The following ZNF117 variants were observed in gnomAD, a reference collection of about 807,000 sequenced individuals.
The protein encoded by ZNF117 is zinc finger protein 117.
ZNF117 carries 37 observed loss-of-function variants against 41.2 expected under a neutral mutation model. The ratio of observed to expected loss-of-function variants is 0.90; its 90% CI spans 0.69 to 1.18. ZNF117 has a LOEUF of 1.18. ZNF117 is among the 50% of genes most tolerant of loss of function. ZNF117 has a pLI of 0.00. For synonymous variants in ZNF117, 186 were observed against 186.6 expected (o/e 1.00, Z 0.02); for missense variants, 546 against 557.5 (o/e 0.98, Z 0.21).
At chr7:64,990,321 A>G (rs1024457020) in exon 1 of ZNF117, 1 of 155,544 alleles carries the variant, frequency 6.4e-6, no homozygotes, top group Non-Finnish European at 1.4e-5. Context: ...AGGAATGCTT[A>G]TATGTTGTGG....
chr7:64,985,842 C>T (rs1358953872), upstream of ZNF117, among the ~76,000 whole-genome samples: 1 of 150,244 alleles, frequency 6.7e-6, no homozygotes, highest in Non-Finnish European at 1.5e-5. Context: ...TGCCTGTAAC[C>T]CCAGCTACTC....
chr7:64,980,191 ACT>A (rs1288908641), intron 2 of ZNF117: 3 of 152,220 alleles, frequency 2.0e-5, no homozygotes, highest in East Asian at 1.9e-4. Context: ...TGTTTGAAAG[ACT>A]CTCAGGATCT....
At chr7:64,981,936 G>A (rs540862944) in intron 1 of ZNF117, 48 bp downstream of exon 2, 9 of 467,850 alleles carry the variant, frequency 1.9e-5, no homozygotes, top group Non-Finnish European at 3.1e-5. Flanking sequence ...CTACAAAAAA[G>A]AGAATTAAAA....
upstream of ZNF117, among the ~76,000 whole-genome samples, chr7:64,983,197 C>T (rs754378870): frequency 6.6e-6 from 1 of 152,128 alleles, no homozygotes; most frequent in African/African-American, 2.4e-5. Context: ...TAATGGAGAA[C>T]AGAGATGGTA....
downstream of ZNF117, chr7:64,972,643 A>C (rs9638412): frequency 0.9 from 136,209 of 151,772 alleles, 61,646 homozygotes; most frequent in South Asian, 0.97. Context: ...AGGTATTTAG[A>C]AAAAAGGGGG....
At chr7:64,990,848 G>A (rs201094084) in exon 1 of ZNF117, 3 of 163,476 alleles carry the variant, frequency 1.8e-5, no homozygotes, top group East Asian at 1.8e-4. Context: ...ACTTTGGAGT[G>A]AGTCAGACTG....
exon 3 of ZNF117, chr7:64,976,603 TAAG>T (rs1785893439): frequency 1.1e-5 from 3 of 263,512 alleles, no homozygotes; most frequent in Non-Finnish European, 2.2e-5. Flanking sequence ...TCCTGTGCTA[TAAG>T]GTGTGAAAAA....
At chr7:64,979,356 C>T (rs775896365) in exon 3 of ZNF117, 10 of 1,597,292 alleles carry the variant, frequency 6.3e-6, no homozygotes, top group Admixed American at 3.5e-5. Flanking sequence ...AGTTTTCAAA[C>T]ATTGGTTAAG....
At chr7:64,979,923 A>G (rs1199229189) in intron 2 of ZNF117, 1 of 156,214 alleles carries the variant, frequency 6.4e-6, no homozygotes, top group East Asian at 1.9e-4. Context: ...CCACATCTTT[A>G]TTTCTGGCTT....
exon 3 of ZNF117, chr7:64,978,397 T>C: frequency 1.2e-6 from 2 of 1,613,106 alleles, no homozygotes; most frequent in South Asian, 2.2e-5. Context: ...CCAGATTCTC[T>C]ACATTTGTGG....
exon 3 of ZNF117, chr7:64,978,842 A>G: frequency 6.2e-7 from 1 of 1,613,654 alleles, no homozygotes; most frequent in Non-Finnish European, 8.5e-7. Context: ...TCTCTCCGGT[A>G]TGAATTAACT....
exon 3 of ZNF117, chr7:64,974,530 G>A (rs975649648): frequency 9.9e-5 from 15 of 151,668 alleles, no homozygotes; most frequent in Non-Finnish European, 2.1e-4. Flanking sequence ...TTTGAAAATA[G>A]GTACAAACTC....
At chr7:64,981,545 T>A in intron 1 of ZNF117, 63 bp from the exon 3 acceptor site, 1 of 1,359,030 alleles carries the variant, frequency 7.4e-7, no homozygotes, top group South Asian at 1.2e-5. Flanking sequence ...AACTTGGTAA[T>A]GTGCTCAGTA....
Position 64,979,539 on chromosome 7 carries a change from G to T in ZNF117, c.35-3C>A. 1 of 1,460,066 alleles carries T rather than the reference G, an allele frequency of 6.8e-7. No homozygotes were observed. The highest frequency in any genetic ancestry group is 1.6e-5 in the South Asian group (1 of 61,882). The allele number at this position is 1,460,066 out of a possible 1,614,324, so 90.4% of individuals were successfully genotyped here. On this transcript the variant is annotated splice_polypyrimidine_tract_variant and splice_region_variant and intron_variant, in intron 2 of 2. Coordinates refer to ENST00000620222, the Ensembl canonical transcript of ZNF117. ...TTGGGCAAAATAATAAAACATAACT[G>T]AAAGAAATAAAAGTAACAAACTACT...
rs766440987 is a variant in ZNF117 at position 64,979,173 on chromosome 7, CTA to C, written c.396_397del (p.Arg133SerfsTer7). ...TGCTTCACATTTGTAGAAATTCACT[CTA>C]GTTTGGATTCTTTTATGTTGAGTTA... On this transcript the variant is annotated frameshift_variant, in exon 3 of 3. Transcript: ENST00000620222. LOFTEE classifies it high-confidence loss of function. 7.5e-5 allele frequency: 121 copies of C among 1,605,946 alleles called. No individual in the cohort carries two copies. The African/African-American group carries it at 1.5e-3, about 20-fold the overall frequency.
At chr7:64,972,575 A>T (rs562699142), downstream of ZNF117, 1 of 152,226 alleles carries the variant, frequency 6.6e-6, no homozygotes, top group East Asian at 1.9e-4. Flanking sequence ...TTACACAGGG[A>T]TTCTAAGAAA....
chr7:64,973,364 T>C (rs1314062572), downstream of ZNF117: 1 of 152,034 alleles, frequency 6.6e-6, no homozygotes, highest in Non-Finnish European at 1.5e-5. Context: ...ATTTCTAAGA[T>C]GTATTTTCTA....
chr7:64,985,884 G>A (rs989602635), upstream of ZNF117, among the ~76,000 whole-genome samples: 1 of 149,282 alleles, frequency 6.7e-6, no homozygotes, highest in African/African-American at 2.5e-5. Context: ...CCCAGGAGGT[G>A]GAGGTTGCAG....
intron 2 of ZNF117, chr7:64,980,496 A>G (rs1786001894): frequency 6.6e-6 from 1 of 152,008 alleles, no homozygotes; most frequent in African/African-American, 2.4e-5. Flanking sequence ...ATATCAAAAA[A>G]CAGATATTGT....
Sources: allele counts gnomAD v4.1 joint callset (sites outside exome capture counted in the v4.1 genomes callset), GRCh38; gene constraint gnomAD v4.1.1; transcripts MANE v1.5; gene names NCBI Gene and HGNC (gene_info 2026-07-23, HGNC 2026-07-21).